ZNF438: variants seen among roughly 807,000 people sequenced by gnomAD.
ZNF438 encodes zinc finger protein 438.
In ZNF438, 25 loss-of-function variants were observed where a neutral mutation model predicts 38.0. The ratio of observed to expected loss-of-function variants is 0.66; its 90% confidence interval spans 0.48 to 0.92. ZNF438 has a LOEUF of 0.92. ZNF438 is among the 40% of genes least tolerant of loss of function. The probability of loss-of-function intolerance (pLI) is 0.00; values close to 1 mark genes in which losing one functional copy is unlikely to be tolerated. For missense variants in ZNF438, 1,007 were observed against 999.6 expected (o/e 1.01, Z -0.10); for synonymous variants, 372 against 364.1 (o/e 1.02, Z -0.25).
intron 1 of ZNF438, among the ~76,000 whole-genome samples, chr10:31,004,777 C>T (rs1285448309): frequency 6.6e-6 from 1 of 151,924 alleles, no homozygotes; most frequent in African/African-American, 2.4e-5. Flanking sequence ...GAACTGGTAA[C>T]AGAAAGGAAG....
chr10:30,848,582 A>G, exon 5 of ZNF438: 1 of 1,614,112 alleles, frequency 6.2e-7, no homozygotes, highest in South Asian at 1.1e-5. Flanking sequence ...GTTCTTTGGT[A>G]TGTCTCCTGG....
intron 2 of ZNF438, 46 bp from the exon 4 acceptor site, chr10:30,909,061 A>G (rs374591678): frequency 4.6e-5 from 7 of 152,328 alleles, no homozygotes; most frequent in African/African-American, 1.7e-4. Context: ...AGAAAACTAC[A>G]AAACAGTATT....
intron 2 of ZNF438, among the ~76,000 whole-genome samples, chr10:30,914,115 G>A (rs1043785580): frequency 6.6e-6 from 1 of 152,028 alleles, no homozygotes; most frequent in South Asian, 2.1e-4. Context: ...AAATGAACAA[G>A]TTATTAATAA....
chr10:31,031,586 G>A lies in ZNF438; in HGVS notation c.-192+247C>T, dbSNP rs552778767. Among the ~76,000 whole-genome samples, 12 of 152,290 alleles carry A rather than the reference G, an allele frequency of 7.9e-5. No homozygotes were observed. In the East Asian group the frequency reaches 2.1e-3, roughly 27 times the overall value. The stretch of plus-strand genomic sequence containing the variant: ...TTCTAAGGCCTCGCTCCCAGGCTCG[G>A]AGACGCGCCCCGCCCCAGGGGAAAA... On this transcript the variant is annotated intron_variant, in intron 1 of 5. Coordinates refer to ENST00000413025, the Ensembl canonical transcript of ZNF438.
At chr10:31,016,496 C>T (rs1473481285) in intron 1 of ZNF438, among the ~76,000 whole-genome samples, 3 of 152,210 alleles carry the variant, frequency 2.0e-5, no homozygotes, top group Non-Finnish European at 4.4e-5. Flanking sequence ...TTATTTCTCT[C>T]TCACGTTACA....
chr10:30,939,125 C>T (rs1442341212), intron 2 of ZNF438, among the ~76,000 whole-genome samples: 1 of 152,206 alleles, frequency 6.6e-6, no homozygotes, highest in Admixed American at 6.5e-5. Context: ...TTTGTTCCCA[C>T]TTCCTAGCCC....
chr10:31,007,723 T>C (rs2055295000), intron 1 of ZNF438, among the ~76,000 whole-genome samples: 1 of 152,214 alleles, frequency 6.6e-6, no homozygotes, highest in Non-Finnish European at 1.5e-5. Flanking sequence ...AGAGAGTGCC[T>C]AGTATATAGG....
chr10:31,006,549 T>C (rs1247455175), intron 1 of ZNF438, among the ~76,000 whole-genome samples: 3 of 152,138 alleles, frequency 2.0e-5, no homozygotes, highest in African/African-American at 7.2e-5. Flanking sequence ...TGTGTTTTCC[T>C]AAGTTCTGTG....
chr10:30,971,069 C>T (rs1453594141), intron 1 of ZNF438, among the ~76,000 whole-genome samples: 1 of 152,146 alleles, frequency 6.6e-6, no homozygotes, highest in Non-Finnish European at 1.5e-5. Context: ...TTTAAAAAAT[C>T]ATTCCAAATG....
intron 2 of ZNF438, among the ~76,000 whole-genome samples, chr10:30,912,581 A>G (rs1042789532): frequency 2.6e-5 from 4 of 152,094 alleles, no homozygotes; most frequent in Non-Finnish European, 5.9e-5. Flanking sequence ...CCACACCTAC[A>G]TATCTGTAGG....
At chr10:30,993,806 T>C (rs765015479) in intron 1 of ZNF438, among the ~76,000 whole-genome samples, 1 of 152,250 alleles carries the variant, frequency 6.6e-6, no homozygotes, top group Non-Finnish European at 1.5e-5. Flanking sequence ...GGCTGACATA[T>C]GGACTGAGCA....
chr10:30,844,837 ATT>A, exon 6 of ZNF438: 1 of 1,228,604 alleles, frequency 8.1e-7, no homozygotes, highest in Non-Finnish European at 1.1e-6. Context: ...TACAAAAATC[ATT>A]TCTGTTCACT....
exon 5 of ZNF438, chr10:30,849,508 T>G (rs2033103399): frequency 6.2e-7 from 1 of 1,614,108 alleles, no homozygotes; most frequent in African/African-American, 1.3e-5. Context: ...TTGTCTTCAT[T>G]CTTGAGTAGG....
intron 1 of ZNF438, among the ~76,000 whole-genome samples, chr10:30,988,076 C>T (rs2053048578): frequency 6.6e-6 from 1 of 151,774 alleles, no homozygotes; most frequent in Non-Finnish European, 1.5e-5. Context: ...ATTTATTTGA[C>T]AAGTTTGTCA....
chr10:30,863,228 T>C (rs1305399501), intron 4 of ZNF438, among the ~76,000 whole-genome samples: 1 of 152,232 alleles, frequency 6.6e-6, no homozygotes, highest in African/African-American at 2.4e-5. Flanking sequence ...ATTTCTTTAA[T>C]GAAGACACAC....
At chr10:30,964,186 C>T (rs920939907) in intron 1 of ZNF438, among the ~76,000 whole-genome samples, 17 of 152,144 alleles carry the variant, frequency 1.1e-4, no homozygotes, top group Admixed American at 6.5e-5. Flanking sequence ...CATTGCTGCT[C>T]GGCACAGGAA....
At chr10:30,996,598 T>C (rs1248943538) in intron 1 of ZNF438, among the ~76,000 whole-genome samples, 3 of 151,708 alleles carry the variant, frequency 2.0e-5, no homozygotes, top group African/African-American at 4.8e-5. Context: ...GGATACACAA[T>C]TGAAAAATAA....
chr10:30,972,427 C>T (rs940860126), intron 1 of ZNF438, among the ~76,000 whole-genome samples: 3 of 152,290 alleles, frequency 2.0e-5, no homozygotes, highest in Admixed American at 1.3e-4. Flanking sequence ...ATATTTTTAA[C>T]TTTTCTTCTA....
rs535026253 is a variant in ZNF438 at position 30,946,171 on chromosome 10, T to C, written c.-191-4520A>G. On this transcript the variant is annotated intron_variant, in intron 1 of 5. Transcript: ENST00000413025. ...ATGGCCAGTGATGATGAGCATTTTT[T>C]ACACCTTATACAAAAATCAATTCAA... is the stretch of plus-strand genomic sequence containing the variant. Among the ~76,000 whole-genome samples the C allele has an allele frequency of 2.6e-5, 4 of 152,318 alleles. No homozygotes were observed. In the East Asian group the frequency reaches 7.7e-4, roughly 29 times the overall value.
Sources: allele counts gnomAD v4.1 joint callset (sites outside exome capture counted in the v4.1 genomes callset), GRCh38; gene constraint gnomAD v4.1.1; transcripts MANE v1.5; gene names NCBI Gene and HGNC (gene_info 2026-07-23, HGNC 2026-07-21).